The following FAT1 variants were observed in gnomAD, a reference collection of about 807,000 sequenced individuals.
FAT1 encodes the protein protocadherin Fat 1.
In FAT1, 171 loss-of-function variants were observed where a neutral mutation model predicts 329.8. That is an observed-to-expected ratio of 0.52 (90% confidence interval 0.46 to 0.59). The LOEUF (loss-of-function observed/expected upper bound fraction) is 0.59. Ranked by LOEUF, FAT1 falls within the 20% of genes least tolerant of loss-of-function variation. The pLI, the probability that FAT1 is intolerant of heterozygous loss-of-function variation, is 0.00. For missense variants in FAT1, 5,672 were observed against 5,774.4 expected, an observed-to-expected ratio of 0.98 and a Z score of 0.57; for synonymous variants, 2,233 against 2,228.6, an observed-to-expected ratio of 1.00 and a Z score of -0.06.
At position 186,708,509 on chromosome 4, in the gene FAT1, G is replaced by A. The variant is rs2126697059; in HGVS notation, c.1319C>T (p.Thr440Ile). The A allele has an allele frequency of 6.2e-7, 1 of 1,613,916 alleles. No homozygotes were observed. Among genetic ancestry groups the A allele is most frequent in the Non-Finnish European group, 8.5e-7 (1 of 1,179,868 alleles). The change falls in exon 2 of 27, where the codon ACA becomes ATA. Residue 440 changes from threonine (T) to isoleucine (I), a missense_variant. Physicochemically the swap from Thr to Ile is moderately conservative, Grantham distance 89. Transcript: ENST00000441802. ...CTTGGTGGACGCTTTTCTGTCACTT[G>A]TTGTTACTTCAAGTTCAAAATGGGC... is the stretch of plus-strand genomic sequence containing the variant. ...QAAHFELEVTTSDRKASTKVL... is the reference protein window; with the variant it reads ...QAAHFELEVTISDRKASTKVL...
chr4:186,606,093 C>T lies in FAT1; in HGVS notation c.10327G>A (p.Gly3443Arg). Residue 3443 changes from glycine (G) to arginine (R), a missense_variant, in exon 17 of 27, where the codon GGA becomes AGA. Gly to Arg is a moderately radical substitution (Grantham distance 125). Transcript: ENST00000441802. Reference sequence around the variant, plus strand: ...ACCTGGATAATGACACTGTAGTTTCCCCTGGAGAAGACGGGCGCGTTGTCA... The same window carrying T: ...ACCTGGATAATGACACTGTAGTTTCTCCTGGAGAAGACGGGCGCGTTGTCA... ...VNDNAPVFSR[G>R]NYSVIIQENK... 1 of 1,613,022 alleles carries T rather than the reference C, an allele frequency of 6.2e-7. No individual in the cohort carries two copies. Among genetic ancestry groups the T allele is most frequent in the Non-Finnish European group, 8.5e-7 (1 of 1,179,770 alleles).
At chr4:186,663,661 C>T (rs1411141280) in intron 2 of FAT1, 48 bp from the exon 3 acceptor site, 2 of 1,453,644 alleles carry the variant, frequency 1.4e-6, no homozygotes, top group African/African-American at 1.4e-5. Flanking sequence ...ACGACCAAAA[C>T]TGCCAGCTTC....
At chr4:186,668,097 A>G (rs541428576) in intron 2 of FAT1, among the ~76,000 whole-genome samples, 38 of 152,218 alleles carry the variant, frequency 2.5e-4, no homozygotes, top group Non-Finnish European at 4.6e-4. Flanking sequence ...TTTGGGGTTC[A>G]GTACCTAGGC....
chr4:186,711,361 C>CT (rs941184398), intron 1 of FAT1, among the ~76,000 whole-genome samples: 70 of 152,244 alleles, frequency 4.6e-4, no homozygotes, highest in African/African-American at 1.7e-3. Context: ...AGATTTTTGG[C>CT]TTCTAGGAGA....
At chr4:186,655,920 G>A (rs1417759988) in intron 3 of FAT1, among the ~76,000 whole-genome samples, 8 of 152,232 alleles carry the variant, frequency 5.3e-5, no homozygotes, top group Non-Finnish European at 1.2e-4. Flanking sequence ...TTCAGGTATG[G>A]TGAGGCAACA....
chr4:186,717,414 G>A (rs1745264310), intron 1 of FAT1, among the ~76,000 whole-genome samples: 1 of 152,156 alleles, frequency 6.6e-6, no homozygotes, highest in Non-Finnish European at 1.5e-5. Context: ...TGTTATCTTT[G>A]ACTGGGGCTG....
At chr4:186,721,302 T>G (rs531726255) in intron 1 of FAT1, among the ~76,000 whole-genome samples, 1 of 152,368 alleles carries the variant, frequency 6.6e-6, no homozygotes, top group East Asian at 1.9e-4. Context: ...CAGAATATAT[T>G]TTTGAAATGA....
rs527346829 is a variant in FAT1, at chr4:186,710,802, G to T, written c.-18-957C>A. 1.2e-4 allele frequency among the ~76,000 whole-genome samples: 18 copies of T among 152,306 alleles called. No homozygotes were observed. The South Asian group carries it at 2.5e-3, about 21-fold the overall frequency. ...CTAACACACGTCAAGGGTCAAATCA[G>T]TCTATTAATACATGGTGGCAGACTC... On this transcript the variant is annotated intron_variant, in intron 1 of 26. Transcript: ENST00000441802.
rs754564846 is a variant in FAT1 at position 186,602,976 on chromosome 4, G to A, written c.11409C>T (p.Ser3803=). 11 of 1,613,696 alleles carry A rather than the reference G, an allele frequency of 6.8e-6. No homozygotes were observed. The highest frequency in any genetic ancestry group is 3.3e-5 in the Admixed American group (2 of 60,004). The change falls in exon 20 of 27, where the codon TCC becomes TCT. Residue 3803 remains serine, a synonymous_variant. Coordinates refer to ENST00000441802, the MANE Select transcript of FAT1 (RefSeq NM_005245.4). ...GCEDDPCPEG[S]ECVSDPWEEK... is the part of the protein sequence containing the mutation. ...CCTCCCAGGGATCAGACACACATTC[G>A]GATCCCTCAGGGCACGGATCATCTT...
At chr4:186,645,366 CATATATATATATATAT>C (rs70964973) in intron 3 of FAT1, among the ~76,000 whole-genome samples, 1,217 of 35,324 alleles carry the variant, frequency 0.034, 21 homozygotes, top group Non-Finnish European at 0.042. Context: ...TACTTCATTA[CATATATATATATATAT>C]ATATATATAT....
chr4:186,641,892 A>T (rs1741112749), intron 3 of FAT1, among the ~76,000 whole-genome samples: 1 of 152,066 alleles, frequency 6.6e-6, no homozygotes. Context: ...CTGTAATCCC[A>T]GCTACTCAGG....
chr4:186,688,311 G>A (rs1743575880), intron 2 of FAT1, among the ~76,000 whole-genome samples: 1 of 151,988 alleles, frequency 6.6e-6, no homozygotes, highest in South Asian at 2.1e-4. Flanking sequence ...ATGTGTGAAG[G>A]AATCTTCACT....
intron 1 of FAT1, among the ~76,000 whole-genome samples, chr4:186,715,033 G>A (rs970600663): frequency 6.6e-6 from 1 of 152,090 alleles, no homozygotes; most frequent in South Asian, 2.1e-4. Flanking sequence ...AGCTGAGATC[G>A]CACCACTGCA....
At chr4:186,719,751 CAA>C (rs1745379444) in intron 1 of FAT1, among the ~76,000 whole-genome samples, 1 of 152,190 alleles carries the variant, frequency 6.6e-6, no homozygotes, top group Non-Finnish European at 1.5e-5. Context: ...CTTCATTTCT[CAA>C]AAGTTATCCA....
rs142167354 is a variant in FAT1 at position 186,648,394 on chromosome 4, C to T, written c.3581-8611G>A. Among the ~76,000 whole-genome samples the T allele has an allele frequency of 2.7e-4, 41 of 152,220 alleles. No homozygotes were observed. The East Asian group carries it at 4.3e-3, about 16-fold the overall frequency. Reference sequence around the variant, plus strand: ...TCAATTATTTTTTAAGCCTTATATACACTAATATATGGCCACACATATAAA... The same window carrying T: ...TCAATTATTTTTTAAGCCTTATATATACTAATATATGGCCACACATATAAA... On this transcript the variant is annotated intron_variant, in intron 3 of 26. Transcript: ENST00000441802.
At chr4:186,590,594 G>A (rs1212517767) in intron 26 of FAT1, 1 of 459,326 alleles carries the variant, frequency 2.2e-6, no homozygotes, top group South Asian at 1.5e-5. Flanking sequence ...CAAATAAAAT[G>A]GAATATGGAA....
At chr4:186,599,859 C>G (rs556780349) in intron 22 of FAT1, 39 bp downstream of exon 22, 1 of 1,471,922 alleles carries the variant, frequency 6.8e-7, no homozygotes. Context: ...AATGTACACA[C>G]GTGCAGCATT....
At chr4:186,666,041 T>TGGGGGGA (rs1742420541) in intron 2 of FAT1, among the ~76,000 whole-genome samples, 1 of 37,122 alleles carries the variant, frequency 2.7e-5, no homozygotes, top group Admixed American at 4.6e-4. Context: ...TGTCGTGGGG[T>TGGGGGGA]GGGGGGAGGG....
rs1739286000 is a variant in FAT1, at chr4:186,609,340, T to C, written c.10069-20A>G. 4 of 1,608,656 alleles carry C rather than the reference T, an allele frequency of 2.5e-6. No homozygotes were observed. In the South Asian group the frequency reaches 4.4e-5, roughly 18 times the overall value. On this transcript the variant is annotated intron_variant, in intron 15 of 26. Transcript: ENST00000441802. The stretch of plus-strand genomic sequence containing the variant: ...CATAACCTAGAACACACCACACTCC[T>C]GTTTAGGAGACAGCTAAGAAGAGGC...
Sources: gnomAD v4.1 joint callset for allele counts (sites outside exome capture counted in the v4.1 genomes callset) on GRCh38, gnomAD v4.1.1 for gene constraint, MANE v1.5 for transcripts, NCBI Gene and HGNC (gene_info 2026-07-23, HGNC 2026-07-21) for gene names.